The following ESRRG variants were observed in gnomAD, a reference collection of about 807,000 sequenced individuals.
The protein encoded by ESRRG is estrogen-related receptor gamma.
ESRRG carries 13 observed loss-of-function variants against 44.0 expected under a neutral mutation model. That is an observed-to-expected ratio of 0.30 (90% confidence interval 0.19 to 0.47). The LOEUF (loss-of-function observed/expected upper bound fraction) is 0.47. Among genes scored for constraint, ESRRG ranks in the 20% least tolerant of loss-of-function variants. ESRRG has a pLI of 1.00. For synonymous variants in ESRRG, 215 were observed against 214.6 expected (o/e 1.00, Z -0.02); for missense variants, 395 against 580.6 (o/e 0.68, Z 3.29).
At chr1:216,622,432 T>C (rs2150497953) in intron 3 of ESRRG, among the ~76,000 whole-genome samples, 1 of 152,336 alleles carries the variant, frequency 6.6e-6, no homozygotes, top group Non-Finnish European at 1.5e-5. Context: ...CTTTTAGGCA[T>C]TCTCTGATCC....
chr1:217,104,860 T>A (rs2092566892), intron 1 of ESRRG, among the ~76,000 whole-genome samples: 1 of 152,214 alleles, frequency 6.6e-6, no homozygotes, highest in Non-Finnish European at 1.5e-5. Flanking sequence ...TGGTTTCAGA[T>A]GTATCATAAC....
intron 1 of ESRRG, among the ~76,000 whole-genome samples, chr1:216,997,257 A>AT (rs1221452865): frequency 6.6e-6 from 1 of 152,232 alleles, no homozygotes; most frequent in African/African-American, 2.4e-5. Context: ...TTCCCTCGGT[A>AT]TAATGAGCCC....
chr1:216,902,488 A>G (rs1294668022), intron 2 of ESRRG, among the ~76,000 whole-genome samples: 9 of 145,444 alleles, frequency 6.2e-5, no homozygotes, highest in Non-Finnish European at 1.4e-4. Flanking sequence ...GAAAAAAAAG[A>G]AAAAAAAAAA....
chr1:216,950,388 T>A (rs1445540785), intron 1 of ESRRG, among the ~76,000 whole-genome samples: 1 of 152,186 alleles, frequency 6.6e-6, no homozygotes, highest in East Asian at 1.9e-4. Flanking sequence ...TTTTGCCCCC[T>A]ATTCTGAAGG....
chr1:217,134,224 C>T (rs963656331), intron 1 of ESRRG, among the ~76,000 whole-genome samples: 61 of 152,226 alleles, frequency 4.0e-4, no homozygotes, highest in African/African-American at 1.3e-3. Flanking sequence ...GGCGCACACA[C>T]CCTGGGGAGT....
At chr1:216,907,149 A>G (rs1352828459) in intron 2 of ESRRG, among the ~76,000 whole-genome samples, 1 of 152,198 alleles carries the variant, frequency 6.6e-6, no homozygotes, top group Non-Finnish European at 1.5e-5. Context: ...ACTGAGGAAA[A>G]GGCATCGCCT....
chr1:216,706,697 C>A (rs557802713), intron 1 of ESRRG, among the ~76,000 whole-genome samples: 1 of 152,280 alleles, frequency 6.6e-6, no homozygotes, highest in South Asian at 2.1e-4. Context: ...ATATTTCTGG[C>A]ATATTCCGAT....
intron 3 of ESRRG, among the ~76,000 whole-genome samples, chr1:216,605,809 G>A (rs2059858209): frequency 6.7e-6 from 1 of 150,096 alleles, no homozygotes; most frequent in African/African-American, 2.5e-5. Context: ...GTAAACGAAA[G>A]ACTGGGTTTC....
At chr1:217,107,803 ATAGT>A (rs2092616219) in intron 1 of ESRRG, among the ~76,000 whole-genome samples, 1 of 152,210 alleles carries the variant, frequency 6.6e-6, no homozygotes, top group Admixed American at 6.5e-5. Flanking sequence ...ATGCTTGGAA[ATAGT>A]TAGGTTTTAT....
chr1:216,757,847 C>A (rs970344646), intron 2 of ESRRG, among the ~76,000 whole-genome samples: 2 of 152,052 alleles, frequency 1.3e-5, no homozygotes, highest in African/African-American at 4.8e-5. Flanking sequence ...CAAATCAAAT[C>A]AGGCTTCAAA....
At chr1:216,619,898 A>G (rs373304345) in intron 3 of ESRRG, among the ~76,000 whole-genome samples, 1 of 152,224 alleles carries the variant, frequency 6.6e-6, no homozygotes, top group Non-Finnish European at 1.5e-5. Context: ...TAATATGCCT[A>G]TTCAATGTGA....
At chr1:216,593,544 C>T (rs1171008395) in intron 3 of ESRRG, among the ~76,000 whole-genome samples, 1 of 152,202 alleles carries the variant, frequency 6.6e-6, no homozygotes, top group Non-Finnish European at 1.5e-5. Context: ...AAATAACTAC[C>T]TGCATTCTAA....
intron 1 of ESRRG, among the ~76,000 whole-genome samples, chr1:217,019,677 G>T (rs974622404): frequency 4.6e-5 from 7 of 152,126 alleles, no homozygotes; most frequent in Non-Finnish European, 1.0e-4. Flanking sequence ...TGTCATATTC[G>T]TTCTTTTCTT....
intron 2 of ESRRG, among the ~76,000 whole-genome samples, chr1:216,899,748 A>T (rs541600717): frequency 1.3e-5 from 2 of 152,300 alleles, no homozygotes; most frequent in Non-Finnish European, 1.5e-5. Context: ...GCTAACATTG[A>T]TGTGCTTATG....
chr1:217,054,895 C>T (rs1347477008), intron 1 of ESRRG, among the ~76,000 whole-genome samples: 1 of 152,096 alleles, frequency 6.6e-6, no homozygotes, highest in Non-Finnish European at 1.5e-5. Context: ...CATTTCCAGT[C>T]TGAATTTATA....
chr1:216,627,796 T>C (rs2063437576), intron 3 of ESRRG, among the ~76,000 whole-genome samples: 1 of 139,872 alleles, frequency 7.1e-6, no homozygotes. Flanking sequence ...TGAAATATGC[T>C]CCAGGGACCA....
chr1:216,538,185 A>G (rs558343908), intron 5 of ESRRG, among the ~76,000 whole-genome samples: 6 of 152,074 alleles, frequency 3.9e-5, no homozygotes, highest in Admixed American at 3.3e-4. Flanking sequence ...TATCTCTTCT[A>G]TGATATCAAA....
chr1:217,097,948 C>A (rs2092448682), intron 1 of ESRRG, among the ~76,000 whole-genome samples: 2 of 151,984 alleles, frequency 1.3e-5, no homozygotes, highest in Admixed American at 1.3e-4. Context: ...AATCCTAATG[C>A]CCCAGTCACA....
At chr1:216,588,163 T>A (rs1260683258) in intron 3 of ESRRG, among the ~76,000 whole-genome samples, 1 of 152,310 alleles carries the variant, frequency 6.6e-6, no homozygotes, top group Middle Eastern at 3.4e-3. Flanking sequence ...TACCTGTGAC[T>A]TCACCTTTAT....
Sources: allele counts gnomAD v4.1 joint callset (sites outside exome capture counted in the v4.1 genomes callset), GRCh38; gene constraint gnomAD v4.1.1; transcripts MANE v1.5; gene names NCBI Gene and HGNC (gene_info 2026-07-23, HGNC 2026-07-21).